COL10A1: variants seen among roughly 807,000 people sequenced by gnomAD.
COL10A1 encodes collagen alpha-1(X) chain.
In COL10A1, 10 loss-of-function variants were observed where a neutral mutation model predicts 18.2. That is an observed-to-expected ratio of 0.55 (90% CI 0.34 to 0.93). COL10A1 has a LOEUF of 0.93. Ranked by LOEUF, COL10A1 falls within the 40% of genes least tolerant of loss-of-function variation. The pLI, the probability that COL10A1 is intolerant of heterozygous loss-of-function variation, is 0.02. For missense variants in COL10A1, 897 were observed against 853.5 expected (o/e 1.05, Z -0.64); for synonymous variants, 330 against 316.6 (o/e 1.04, Z -0.45).
the COL10A1 span, among the ~76,000 whole-genome samples, chr6:116,166,368 T>C: frequency 6.6e-6 from 1 of 152,166 alleles, no homozygotes; most frequent in Non-Finnish European, 1.5e-5. Flanking sequence ...TTTTGATACA[T>C]GGTGGTTGGA....
chr6:116,163,081 C>T (rs573139203), upstream of COL10A1, among the ~76,000 whole-genome samples: 214 of 141,450 alleles, frequency 1.5e-3, 2 homozygotes, highest in Middle Eastern at 7.3e-3. Context: ...GAGCCGAGAT[C>T]GTGCCACTGC....
chr6:116,119,975 A>C lies in COL10A1; in HGVS notation c.*98T>G. The C allele has an allele frequency of 9.1e-7, 1 of 1,096,432 alleles. No individual in the cohort carries two copies. 67.9% of individuals were successfully genotyped at this position (1,096,432 alleles called of 1,614,324 possible). ...ATCTGTATTTCAGAAAATAAAAATT[A>C]CATTCTTTTCAGCCTACCTCCATAT... is the stretch of plus-strand genomic sequence containing the variant. On this transcript the variant is annotated 3_prime_UTR_variant, in exon 3 of 3. Coordinates refer to ENST00000651968, the MANE Select transcript of COL10A1 (RefSeq NM_000493.4).
chr6:116,168,278 CCTT>C, the COL10A1 span, among the ~76,000 whole-genome samples: 1 of 151,678 alleles, frequency 6.6e-6, no homozygotes, highest in Non-Finnish European at 1.5e-5. Context: ...TGATCTTTCA[CCTT>C]CTCTCTTTTC....
the COL10A1 span, among the ~76,000 whole-genome samples, chr6:116,175,796 A>G: frequency 1.3e-5 from 2 of 152,164 alleles, no homozygotes; most frequent in Non-Finnish European, 2.9e-5. Flanking sequence ...GAAATATCCT[A>G]TCTACCCATT....
chr6:116,129,151 G>T (rs187216992), upstream of COL10A1, among the ~76,000 whole-genome samples: 6 of 151,904 alleles, frequency 3.9e-5, no homozygotes, highest in East Asian at 1.9e-4. Context: ...TGTCATCATC[G>T]TATTAAAAAA....
chr6:116,123,016 T>C (rs1405524504), intron 2 of COL10A1, among the ~76,000 whole-genome samples: 1 of 152,200 alleles, frequency 6.6e-6, no homozygotes, highest in Non-Finnish European at 1.5e-5. Context: ...TAAGTGGATA[T>C]TGATATATTG....
At chr6:116,166,226 A>G in the COL10A1 span, among the ~76,000 whole-genome samples, 7 of 152,068 alleles carry the variant, frequency 4.6e-5, no homozygotes, top group African/African-American at 7.2e-5. Context: ...GGGGTCTCCA[A>G]CAGATCCTGG....
upstream of COL10A1, among the ~76,000 whole-genome samples, chr6:116,161,176 A>G (rs1272029443): frequency 6.7e-5 from 8 of 119,756 alleles, no homozygotes; most frequent in East Asian, 2.1e-3. Context: ...GAACATCACA[A>G]TCTGGGGACT....
upstream of COL10A1, among the ~76,000 whole-genome samples, chr6:116,130,867 A>G (rs1779441067): frequency 6.6e-6 from 1 of 151,964 alleles, no homozygotes; most frequent in African/African-American, 2.4e-5. Context: ...CAATATTCGT[A>G]CCAGAATATT....
At chr6:116,137,353 G>T in intron 1 of COL10A1, 1 of 163,284 alleles carries the variant, frequency 6.1e-6, no homozygotes. Flanking sequence ...ATGTTCAACT[G>T]AAACTTGTAG....
chr6:116,119,998 T>C lies in COL10A1; in HGVS notation c.*75A>G. The C allele has an allele frequency of 8.2e-7, 1 of 1,224,964 alleles. No individual in the cohort carries two copies. The highest frequency in any genetic ancestry group is 1.2e-6 in the Non-Finnish European group (1 of 828,004). 75.9% of individuals were successfully genotyped at this position (1,224,964 alleles called of 1,614,324 possible). A position where few individuals can be genotyped will look rare whatever the true frequency, so the allele number is the denominator to read the frequency against. ...TTACATTCTTTTCAGCCTACCTCCA[T>C]ATGCATTTTGTAGGGTGGGGTAGAG... is the stretch of plus-strand genomic sequence containing the variant. On this transcript the variant is annotated 3_prime_UTR_variant, in exon 3 of 3. Coordinates refer to ENST00000651968, the MANE Select transcript of COL10A1 (RefSeq NM_000493.4).
chr6:116,120,047 A>G lies in COL10A1; in HGVS notation c.*26T>C, dbSNP rs1779060777. 6.5e-7 allele frequency: 1 copy of G among 1,527,380 alleles called. No individual in the cohort carries two copies. Among genetic ancestry groups the G allele is most frequent in the East Asian group, 2.4e-5 (1 of 42,036 alleles). 94.6% of individuals were successfully genotyped at this position (1,527,380 alleles called of 1,614,324 possible). ...AGTTAGAGAATGCTTTTTCTAGCAC[A>G]AGATTTAGATTAGCTCTGTGTGTAC... On this transcript the variant is annotated 3_prime_UTR_variant, in exon 3 of 3. Coordinates refer to ENST00000651968, the MANE Select transcript of COL10A1 (RefSeq NM_000493.4).
the COL10A1 span, among the ~76,000 whole-genome samples, chr6:116,205,227 GAAC>G: frequency 1.1e-4 from 17 of 151,834 alleles, no homozygotes; most frequent in African/African-American, 3.9e-4. Flanking sequence ...AAACAAAATA[GAAC>G]AACAACAAAA....
At chr6:116,129,601 A>G (rs550173452), upstream of COL10A1, among the ~76,000 whole-genome samples, 1 of 152,304 alleles carries the variant, frequency 6.6e-6, no homozygotes, top group South Asian at 2.1e-4. Flanking sequence ...ATACTACAGC[A>G]TGAACGCTCT....
At chr6:116,163,141 A>ATATATATATATAT (rs1554197064), upstream of COL10A1, among the ~76,000 whole-genome samples, 1 of 88,398 alleles carries the variant, frequency 1.1e-5, no homozygotes, top group African/African-American at 5.8e-5. Context: ...AAAAAAAAAA[A>ATATATATATATAT]ATATATATAT....
intron 1 of COL10A1, among the ~76,000 whole-genome samples, chr6:116,139,859 T>A (rs1562134738): frequency 1.3e-5 from 2 of 152,160 alleles, no homozygotes; most frequent in Non-Finnish European, 2.9e-5. Flanking sequence ...AGCACTTGAG[T>A]CTTCTGTCCC....
intron 1 of COL10A1, among the ~76,000 whole-genome samples, chr6:116,154,336 C>T (rs1043822628): frequency 1.3e-5 from 2 of 152,138 alleles, no homozygotes; most frequent in Non-Finnish European, 2.9e-5. Flanking sequence ...GGATTTCTTT[C>T]TGTTCCTGTA....
At chr6:116,176,090 G>A in the COL10A1 span, among the ~76,000 whole-genome samples, 2 of 152,184 alleles carry the variant, frequency 1.3e-5, no homozygotes, top group Admixed American at 6.5e-5. Flanking sequence ...CGCTGTAATT[G>A]TGTGAGGTTG....
At chr6:116,127,993 T>C (rs956150627), upstream of COL10A1, among the ~76,000 whole-genome samples, 5 of 152,138 alleles carry the variant, frequency 3.3e-5, no homozygotes, top group African/African-American at 1.2e-4. Context: ...CTCCCAGTTT[T>C]AAAATTAGAT....
Sources: gnomAD v4.1 joint callset for allele counts (sites outside exome capture counted in the v4.1 genomes callset) on GRCh38, gnomAD v4.1.1 for gene constraint, MANE v1.5 for transcripts, NCBI Gene and HGNC (gene_info 2026-07-23, HGNC 2026-07-21) for gene names.